EYS: variants seen among roughly 807,000 people sequenced by gnomAD.
EYS encodes the protein protein eyes shut homolog.
In EYS, 250 loss-of-function variants were observed where a neutral mutation model predicts 282.1. The ratio of observed to expected loss-of-function variants is 0.89; its 90% CI spans 0.80 to 0.98. The LOEUF (loss-of-function observed/expected upper bound fraction) is 0.98, where lower values mean the gene tolerates loss of function less well. EYS is among the 50% of genes least tolerant of loss of function. The probability of loss-of-function intolerance (pLI) is 0.00; values close to 1 mark genes in which losing one functional copy is unlikely to be tolerated. For missense variants in EYS, 4,016 were observed against 3,709.0 expected, an observed-to-expected ratio of 1.08 and a Z score of -2.15; for synonymous variants, 1,355 against 1,282.9, an observed-to-expected ratio of 1.06 and a Z score of -1.20.
chr6:65,706,051 A>T (rs542151740), intron 1 of EYS, among the ~76,000 whole-genome samples: 1 of 151,910 alleles, frequency 6.6e-6, no homozygotes, highest in Non-Finnish European at 1.5e-5. Flanking sequence ...AATATATATC[A>T]AAATTAATGG....
chr6:65,260,769 G>C (rs1582074683), intron 12 of EYS, among the ~76,000 whole-genome samples: 1 of 151,310 alleles, frequency 6.6e-6, no homozygotes, highest in Admixed American at 6.6e-5. Flanking sequence ...AAGAACAATG[G>C]GTAAAAAAGC....
intron 12 of EYS, among the ~76,000 whole-genome samples, chr6:65,247,059 A>AT (rs1767198442): frequency 6.6e-6 from 1 of 152,190 alleles, no homozygotes; most frequent in Non-Finnish European, 1.5e-5. Context: ...TCATAGGGTG[A>AT]TTTTATGTTT....
chr6:64,426,990 T>TA lies in EYS; in HGVS notation c.5927+9183dup, dbSNP rs910843546. ...TATGAAAATCTTGCAAAGCTTTTTC[T>TA]AAAAAAAAACTAGATCATTGTTTCT... On this transcript the variant is annotated intron_variant, in intron 28 of 42. Coordinates refer to ENST00000503581, the MANE Select transcript of EYS (RefSeq NM_001142800.2). Among the ~76,000 whole-genome samples, 39 of 151,558 alleles carry TA rather than the reference T, an allele frequency of 2.6e-4. 1 individual carries two copies. Among genetic ancestry groups the TA allele is most frequent in the Admixed American group, 4.6e-4 (7 of 15,198 alleles).
intron 12 of EYS, among the ~76,000 whole-genome samples, chr6:65,094,830 A>G (rs1774692445): frequency 6.6e-6 from 1 of 151,334 alleles, no homozygotes; most frequent in Non-Finnish European, 1.5e-5. Context: ...GGAATAACAA[A>G]TTAAGCACAA....
At chr6:64,375,324 C>T (rs1462423556) in intron 29 of EYS, among the ~76,000 whole-genome samples, 4 of 152,130 alleles carry the variant, frequency 2.6e-5, no homozygotes, top group African/African-American at 7.2e-5. Flanking sequence ...TTGACTATAT[C>T]GCAATGCTGA....
intron 19 of EYS, among the ~76,000 whole-genome samples, chr6:64,873,734 G>C (rs1331202651): frequency 6.6e-6 from 1 of 151,938 alleles, no homozygotes; most frequent in Admixed American, 6.6e-5. Flanking sequence ...AGATGGATAT[G>C]TTCATTAGCT....
At chr6:64,126,628 A>T (rs1773795736) in intron 31 of EYS, among the ~76,000 whole-genome samples, 1 of 152,058 alleles carries the variant, frequency 6.6e-6, no homozygotes, top group South Asian at 2.1e-4. Context: ...GAGCTCTATC[A>T]GCTTCTTCAC....
intron 12 of EYS, among the ~76,000 whole-genome samples, chr6:65,113,526 C>A (rs1448333959): frequency 6.6e-6 from 1 of 151,912 alleles, no homozygotes; most frequent in Admixed American, 6.6e-5. Context: ...AAATTATAAG[C>A]CATGGTGCTT....
At chr6:64,408,005 G>A (rs947025682) in intron 28 of EYS, among the ~76,000 whole-genome samples, 9 of 151,980 alleles carry the variant, frequency 5.9e-5, no homozygotes, top group Admixed American at 2.6e-4. Context: ...GGGATTACAC[G>A]CATGAGCCAC....
At chr6:64,314,648 A>G (rs1411556878) in intron 29 of EYS, among the ~76,000 whole-genome samples, 15 of 152,154 alleles carry the variant, frequency 9.9e-5, no homozygotes, top group Admixed American at 9.8e-4. Flanking sequence ...CTGCACAACT[A>G]AAGGAAACTG....
At chr6:65,384,523 T>G (rs1480071010) in intron 7 of EYS, 23 bp from the exon 8 acceptor site, 1 of 1,125,902 alleles carries the variant, frequency 8.9e-7, no homozygotes, top group African/African-American at 1.5e-5. Context: ...CAGTGTAAAT[T>G]AGAAAAATTA....
chr6:64,470,940 C>CAA (rs1404070205), intron 26 of EYS, among the ~76,000 whole-genome samples: 2 of 152,032 alleles, frequency 1.3e-5, no homozygotes, highest in African/African-American at 4.8e-5. Flanking sequence ...TAAAACTTCC[C>CAA]AAGGCTTCCA....
chr6:64,610,995 T>A (rs556903903), intron 24 of EYS, among the ~76,000 whole-genome samples: 1 of 152,084 alleles, frequency 6.6e-6, no homozygotes, highest in African/African-American at 2.4e-5. Flanking sequence ...ATAGCACTCA[T>A]TGCTGCCCAT....
rs58373990 is a variant in EYS, at chr6:64,462,942, A to ATTT, written c.5645-23593_5645-23591dup. The stretch of plus-strand genomic sequence containing the variant: ...CAAGTATAGCTTATTCTCAGCTTTA[A>ATTT]TTTTTTTTTTTTTTTTTTTTTGAGA... On this transcript the variant is annotated intron_variant, in intron 26 of 42. Coordinates refer to ENST00000503581, the MANE Select transcript of EYS (RefSeq NM_001142800.2). Among the ~76,000 whole-genome samples, 147 of 105,844 alleles carry ATTT rather than the reference A, an allele frequency of 1.4e-3. 5 individuals are homozygous for ATTT. Among genetic ancestry groups the ATTT allele is most frequent in the Middle Eastern group, 5.2e-3 (1 of 194 alleles). 69.4% of individuals were successfully genotyped at this position (105,844 alleles called of 152,430 possible).
At chr6:63,861,440 C>T (rs146882381) in intron 36 of EYS, among the ~76,000 whole-genome samples, 1 of 152,180 alleles carries the variant, frequency 6.6e-6, no homozygotes, top group East Asian at 1.9e-4. Context: ...ATAATACCAT[C>T]AGAATAGTTT....
chr6:64,289,322 G>A (rs1167392271), intron 30 of EYS, among the ~76,000 whole-genome samples: 1 of 152,024 alleles, frequency 6.6e-6, no homozygotes, highest in African/African-American at 2.4e-5. Context: ...GGCTGAGAAA[G>A]GTGACTGTCT....
chr6:64,689,118 CAA>C (rs1216302851), intron 22 of EYS, among the ~76,000 whole-genome samples: 3 of 152,174 alleles, frequency 2.0e-5, no homozygotes, highest in African/African-American at 7.2e-5. Context: ...GCAACTTCAG[CAA>C]AGTCTCAGGA....
At chr6:64,093,479 C>A (rs111438884) in intron 31 of EYS, among the ~76,000 whole-genome samples, 6,381 of 152,068 alleles carry the variant, frequency 0.042, 398 homozygotes, top group African/African-American at 0.14. Flanking sequence ...CATCCCTTGT[C>A]AGTTGGATTC....
In EYS at chr6:64,991,031, A is replaced by G. The variant is rs1235889814; in HGVS notation, c.2259+6551T>C. Among the ~76,000 whole-genome samples, 4 of 151,404 alleles carry G rather than the reference A, an allele frequency of 2.6e-5. No homozygotes were observed. In the East Asian group the frequency reaches 5.8e-4, roughly 22 times the overall value. On this transcript the variant is annotated intron_variant, in intron 14 of 42. Coordinates refer to ENST00000503581, the MANE Select transcript of EYS (RefSeq NM_001142800.2). ...TTAAAACTGACAATTGAGGGGGAAC[A>G]TATTAAGATAATTATACAGGTCATC... is the stretch of plus-strand genomic sequence containing the variant.
Sources: allele counts gnomAD v4.1 joint callset (sites outside exome capture counted in the v4.1 genomes callset), GRCh38; gene constraint gnomAD v4.1.1; transcripts MANE v1.5; gene names NCBI Gene and HGNC (gene_info 2026-07-23, HGNC 2026-07-21).